MEI1: variants seen among roughly 807,000 people sequenced by gnomAD.
MEI1 encodes the protein meiosis inhibitor protein 1.
MEI1 carries 103 observed loss-of-function variants against 146.2 expected under a neutral mutation model. That is an observed-to-expected ratio of 0.70 (90% CI 0.60 to 0.83). The LOEUF is 0.83. Ranked by LOEUF, MEI1 falls within the 40% of genes least tolerant of loss-of-function variation. The pLI is 0.00. For synonymous variants in MEI1, 652 were observed against 628.2 expected (o/e 1.04, Z -0.57); for missense variants, 1,529 against 1,533.0 (o/e 1.00, Z 0.04).
rs190735509 is a variant in MEI1, at chr22:41,782,814, C to T, written c.3087+969C>T. 7.2e-5 allele frequency among the ~76,000 whole-genome samples: 11 copies of T among 152,318 alleles called. No homozygotes were observed. In the East Asian group the frequency reaches 1.5e-3, roughly 21 times the overall value. Reference sequence around the variant, plus strand: ...CCTAGGAGAAAACTTGCATTTTGTCCTTGGCTCTGCCCTGGCCCTCAGCTC... The same window carrying T: ...CCTAGGAGAAAACTTGCATTTTGTCTTTGGCTCTGCCCTGGCCCTCAGCTC... On this transcript the variant is annotated intron_variant, in intron 24 of 30. Coordinates refer to ENST00000401548, the MANE Select transcript of MEI1 (RefSeq NM_152513.4).
chr22:41,747,671 G>A (rs1350287480), intron 14 of MEI1, among the ~76,000 whole-genome samples: 3 of 151,670 alleles, frequency 2.0e-5, no homozygotes, highest in Non-Finnish European at 2.9e-5. Flanking sequence ...ACCACTGATC[G>A]CCAGCCTGGG....
At chr22:41,713,322 G>T (rs1202123844) in intron 3 of MEI1, among the ~76,000 whole-genome samples, 1 of 152,076 alleles carries the variant, frequency 6.6e-6, no homozygotes, top group Admixed American at 6.6e-5. Flanking sequence ...TAAAAAATTA[G>T]CCAGGCATAG....
rs1035568381 is a variant in MEI1, at chr22:41,713,874, A to G, written c.350-128A>G. 8.3e-6 allele frequency: 6 copies of G among 722,232 alleles called. No homozygotes were observed. The African/African-American group carries it at 8.9e-5, about 11-fold the overall frequency. 44.7% of individuals were successfully genotyped at this position (722,232 alleles called of 1,614,324 possible). ...GTGCACACATAGTTAAATGGAAGAA[A>G]TAGAAAAGTATAATACCAATTAGCC... On this transcript the variant is annotated intron_variant, in intron 3 of 30. Coordinates refer to ENST00000401548, the MANE Select transcript of MEI1 (RefSeq NM_152513.4).
At chr22:41,754,854 T>C (rs1173153929) in intron 17 of MEI1, among the ~76,000 whole-genome samples, 1 of 152,144 alleles carries the variant, frequency 6.6e-6, no homozygotes, top group East Asian at 1.9e-4. Context: ...ATGCATACTA[T>C]GTCAGAGATC....
chr22:41,753,099 A>G (rs1163861828), intron 16 of MEI1, among the ~76,000 whole-genome samples: 1 of 151,978 alleles, frequency 6.6e-6, no homozygotes, highest in Non-Finnish European at 1.5e-5. Context: ...GCTCACTGCA[A>G]CAACCGCCTC....
intron 3 of MEI1, among the ~76,000 whole-genome samples, chr22:41,710,234 C>T (rs2069432359): frequency 6.6e-6 from 1 of 152,122 alleles, no homozygotes; most frequent in African/African-American, 2.4e-5. Flanking sequence ...GGAAGAGAGG[C>T]CTCAGAAGAA....
chr22:41,784,202 C>T, intron 24 of MEI1, 137 bp from the exon 25 acceptor site: 1 of 709,178 alleles, frequency 1.4e-6, no homozygotes, highest in Non-Finnish European at 2.4e-6. Flanking sequence ...GCTTGGAGGA[C>T]TCTGTGTGGC....
intron 19 of MEI1, 81 bp downstream of exon 19, chr22:41,763,402 G>A: frequency 1.3e-6 from 2 of 1,500,848 alleles, no homozygotes; most frequent in Non-Finnish European, 1.8e-6. Context: ...GATGATGATA[G>A]TGTATAGACA....
intron 27 of MEI1, 37 bp downstream of exon 27, chr22:41,793,947 A>G (rs2076280184): frequency 1.3e-6 from 2 of 1,566,352 alleles, no homozygotes; most frequent in Non-Finnish European, 1.7e-6. Context: ...TTCCCATGAG[A>G]GAGATTAGAG....
At chr22:41,745,803 TC>T in intron 13 of MEI1, 81 bp from the exon 14 acceptor site, 1 of 1,425,634 alleles carries the variant, frequency 7.0e-7, no homozygotes, top group Admixed American at 2.1e-5. Context: ...GCACAGGCAC[TC>T]CCCGCCACCC....
In MEI1 at chr22:41,729,662, C is replaced by T. The variant is rs2071682313; in HGVS notation, c.865-3C>T. On this transcript the variant is annotated splice_region_variant and splice_polypyrimidine_tract_variant and intron_variant, in intron 7 of 30. Coordinates refer to ENST00000401548, the MANE Select transcript of MEI1 (RefSeq NM_152513.4). ...GGGTACTTTTTGCTGCCTGTTTCTC[C>T]AGCTTCTCCTCTCTAGAGATGAAAC... 6 of 1,602,430 alleles carry T rather than the reference C, an allele frequency of 3.7e-6. No homozygotes were observed. The highest frequency in any genetic ancestry group is 4.5e-5 in the East Asian group (2 of 44,630).
intron 18 of MEI1, among the ~76,000 whole-genome samples, chr22:41,758,873 T>G (rs1387259552): frequency 2.0e-5 from 3 of 152,258 alleles, no homozygotes; most frequent in Non-Finnish European, 4.4e-5. Flanking sequence ...CTGGGCATGG[T>G]GGCTCACGCC....
Position 41,780,411 on chromosome 22 carries a change from G to T in MEI1, c.2816-873G>T, listed in dbSNP as rs78375302. On this transcript the variant is annotated intron_variant, in intron 22 of 30. Coordinates refer to ENST00000401548, the MANE Select transcript of MEI1 (RefSeq NM_152513.4). ...TTTCATATTAGGATGGGGATAGGGAGATGGGAAGTGGGAGTTCCCAAGAGT... is the reference window on the plus strand; with the variant it reads ...TTTCATATTAGGATGGGGATAGGGATATGGGAAGTGGGAGTTCCCAAGAGT... Among the ~76,000 whole-genome samples, 762 of 152,170 alleles carry T rather than the reference G, an allele frequency of 5.0e-3. 3 individuals carry two copies. The highest frequency in any genetic ancestry group is 0.017 in the African/African-American group (708 of 41,512).
intron 10 of MEI1, 29 bp from the exon 11 acceptor site, chr22:41,732,440 C>T: frequency 1.2e-6 from 2 of 1,613,606 alleles, no homozygotes; most frequent in Admixed American, 1.7e-5. Context: ...AAGAGTTCAC[C>T]TACTCGTTTC....
chr22:41,733,794 A>G lies in MEI1; in HGVS notation c.1331+1191A>G, dbSNP rs148052289. Among the ~76,000 whole-genome samples, 59 of 152,218 alleles carry G rather than the reference A, an allele frequency of 3.9e-4. No homozygotes were observed. The East Asian group carries it at 9.3e-3, about 24-fold the overall frequency. The stretch of plus-strand genomic sequence containing the variant: ...TAATAACTATTTATATAGCATTTGC[A>G]TTGTATTAGGTATTATATGTAATCT... On this transcript the variant is annotated intron_variant, in intron 11 of 30. Coordinates refer to ENST00000401548, the MANE Select transcript of MEI1 (RefSeq NM_152513.4).
At chr22:41,700,748 AATTT>A (rs1755584290) in intron 1 of MEI1, among the ~76,000 whole-genome samples, 1 of 80,674 alleles carries the variant, frequency 1.2e-5, no homozygotes, top group African/African-American at 5.1e-5. Flanking sequence ...AGCAGTTCTC[AATTT>A]TTTTTTTTTT....
rs1210233134 is a variant in MEI1, at chr22:41,789,180, C to CGTGGT, written c.3345+4398_3345+4399insTGGTG. The stretch of plus-strand genomic sequence containing the variant: ...CAAAAAAATTAGCCGGGCGTGGTGG[C>CGTGGT]GCGCACCTGTAATCCCAGCTACTTG... On this transcript the variant is annotated intron_variant, in intron 26 of 30. Coordinates refer to ENST00000401548, the MANE Select transcript of MEI1 (RefSeq NM_152513.4). Among the ~76,000 whole-genome samples the CGTGGT allele has an allele frequency of 2.0e-5, 3 of 152,032 alleles. No individual in the cohort carries two copies. The East Asian group carries it at 5.8e-4, about 29-fold the overall frequency.
At chr22:41,707,507 A>G (rs761011260) in intron 3 of MEI1, among the ~76,000 whole-genome samples, 7 of 152,170 alleles carry the variant, frequency 4.6e-5, no homozygotes, top group Non-Finnish European at 1.0e-4. Flanking sequence ...CACTGCCAGG[A>G]TAAAGAAGTG....
In MEI1 at chr22:41,732,548, AG is replaced by A; in HGVS notation, c.1277del (p.Ser426ThrfsTer11). On this transcript the variant is annotated frameshift_variant, in exon 11 of 31. Coordinates refer to ENST00000401548, the MANE Select transcript of MEI1 (RefSeq NM_152513.4). LOFTEE classifies it high-confidence loss of function. ...AGRALQEAVS[S>X]PVLEVAAEAL... ...CCGTGCCCTCCAAGAAGCAGTTAGC[AG>A]CCCTGTGCTGGAGGTGGCTGCTGAG... The A allele has an allele frequency of 6.2e-7, 1 of 1,613,852 alleles. No individual in the cohort carries two copies. The highest frequency in any genetic ancestry group is 8.5e-7 in the Non-Finnish European group (1 of 1,179,870).
Sources: allele counts gnomAD v4.1 joint callset (sites outside exome capture counted in the v4.1 genomes callset), GRCh38; gene constraint gnomAD v4.1.1; transcripts MANE v1.5; gene names NCBI Gene and HGNC (gene_info 2026-07-23, HGNC 2026-07-21).